The following NTN4 variants were observed in gnomAD, a reference collection of about 807,000 sequenced individuals.
The protein encoded by NTN4 is netrin 4, also known as netrin-4.
NTN4 carries 32 observed loss-of-function variants against 73.6 expected under a neutral mutation model. That is an observed-to-expected ratio of 0.44 (90% confidence interval 0.33 to 0.58). The LOEUF (loss-of-function observed/expected upper bound fraction) is 0.58, where lower values mean the gene tolerates loss of function less well. Among genes scored for constraint, NTN4 ranks in the 20% least tolerant of loss-of-function variants. NTN4 has a pLI of 0.04. For missense variants in NTN4, 654 were observed against 798.3 expected, an observed-to-expected ratio of 0.82 and a Z score of 2.18; for synonymous variants, 258 against 287.5, an observed-to-expected ratio of 0.90 and a Z score of 1.04.
At chr12:95,698,836 G>A (rs1833471) in intron 5 of NTN4, among the ~76,000 whole-genome samples, 16,786 of 151,132 alleles carry the variant, frequency 0.11, 1,268 homozygotes, top group Non-Finnish European at 0.17. Context: ...CAGCCTGTGC[G>A]ATAGAGTGAG....
chr12:95,752,187 C>T (rs1029363645), intron 2 of NTN4, among the ~76,000 whole-genome samples: 2 of 151,822 alleles, frequency 1.3e-5, no homozygotes, highest in Non-Finnish European at 2.9e-5. Flanking sequence ...AAGATTAAAG[C>T]CTGTTATCAC....
At position 95,790,232 on chromosome 12, in the gene NTN4, G is replaced by A; in HGVS notation, c.55+23C>T. On this transcript the variant is annotated intron_variant, in intron 1 of 9. Coordinates refer to ENST00000343702, the MANE Select transcript of NTN4 (RefSeq NM_021229.4). This position sits in a 1 kb window ranked among gnomAD's most constrained non-coding sequence, Gnocchi z 6.5. Reference sequence around the variant, plus strand: ...GAGAAGCAGCGAGGGAAGGGGTGGGGGCCCCGCCGCGTCACCACCCACCTG... The same window carrying A: ...GAGAAGCAGCGAGGGAAGGGGTGGGAGCCCCGCCGCGTCACCACCCACCTG... 6.5e-7 allele frequency: 1 copy of A among 1,529,674 alleles called. No individual in the cohort carries two copies. The highest frequency in any genetic ancestry group is 8.8e-7 in the Non-Finnish European group (1 of 1,137,582). 94.8% of individuals were successfully genotyped at this position (1,529,674 alleles called of 1,614,324 possible).
intron 2 of NTN4, among the ~76,000 whole-genome samples, chr12:95,769,901 C>T (rs1230457285): frequency 6.6e-6 from 1 of 151,972 alleles, no homozygotes; most frequent in Non-Finnish European, 1.5e-5. Flanking sequence ...GGATTATAAG[C>T]TTGCGCCACC....
Position 95,696,522 on chromosome 12 carries a change from C to T in NTN4, c.1181-12811G>A, listed in dbSNP as rs557318861. Reference sequence around the variant, plus strand: ...GAGGATAGGAACCACATCGTTTTATCGCTGTATCCCCCAAACCTAGGTCAA... The same window carrying T: ...GAGGATAGGAACCACATCGTTTTATTGCTGTATCCCCCAAACCTAGGTCAA... On this transcript the variant is annotated intron_variant, in intron 5 of 9. Transcript: ENST00000343702. 8.5e-4 allele frequency among the ~76,000 whole-genome samples: 130 copies of T among 152,274 alleles called. 1 individual carries two copies. In the South Asian group the frequency reaches 0.026, roughly 30 times the overall value.
At position 95,787,035 on chromosome 12, in the gene NTN4, G is replaced by A. The variant is rs923208418; in HGVS notation, c.489C>T (p.Asn163=). ...TWKPYKYFAT[N]CSATFGLEDD... ...CTTCCAGGCCAAATGTAGCGGAGCA[G>A]TTAGTCGCAAAGTACTTATAAGGCT... The change falls in exon 2 of 10, where the codon AAC becomes AAT. Residue 163 remains asparagine, a synonymous_variant. Coordinates refer to ENST00000343702, the MANE Select transcript of NTN4 (RefSeq NM_021229.4). 5.6e-6 allele frequency: 9 copies of A among 1,614,084 alleles called. No homozygotes were observed. Among genetic ancestry groups the A allele is most frequent in the Middle Eastern group, 1.6e-4 (1 of 6,084 alleles).
rs904912108 is a variant in NTN4 at position 95,782,335 on chromosome 12, G to A, written c.585+4604C>T. 2.7e-5 allele frequency among the ~76,000 whole-genome samples: 4 copies of A among 149,812 alleles called. No homozygotes were observed. In the South Asian group the frequency reaches 6.4e-4, roughly 24 times the overall value. ...TTTTGAGACAGAGTCTCACTCTGTC[G>A]CCCAGGCTGAGGTGCAGGGGCGTGA... On this transcript the variant is annotated intron_variant, in intron 2 of 9. Coordinates refer to ENST00000343702, the MANE Select transcript of NTN4 (RefSeq NM_021229.4).
intron 1 of NTN4, among the ~76,000 whole-genome samples, chr12:95,787,876 G>A (rs978350484): frequency 6.6e-6 from 1 of 152,064 alleles, no homozygotes; most frequent in Non-Finnish European, 1.5e-5. Context: ...CATGACTATT[G>A]AAAAACCATA....
At chr12:95,756,151 A>T in intron 2 of NTN4, among the ~76,000 whole-genome samples, 1 of 152,234 alleles carries the variant, frequency 6.6e-6, no homozygotes, top group South Asian at 2.1e-4. Context: ...ATCCCATTTT[A>T]TACTTGTTTT....
At chr12:95,698,042 G>T (rs2078455254) in intron 5 of NTN4, among the ~76,000 whole-genome samples, 1 of 152,148 alleles carries the variant, frequency 6.6e-6, no homozygotes, top group East Asian at 1.9e-4. Flanking sequence ...ACCTAGAGAT[G>T]ATTTACAGTA....
In NTN4 at chr12:95,703,076, C is replaced by T. The variant is rs565569216; in HGVS notation, c.1180+7365G>A. ...TTCACCATGTTGGCCAGGCTGGTCT[C>T]GAACTCCTGACCTCAGGTGATCCAC... On this transcript the variant is annotated intron_variant, in intron 5 of 9. Coordinates refer to ENST00000343702, the MANE Select transcript of NTN4 (RefSeq NM_021229.4). Among the ~76,000 whole-genome samples, 69 of 152,096 alleles carry T rather than the reference C, an allele frequency of 4.5e-4. 1 individual carries two copies. Among genetic ancestry groups the T allele is most frequent in the Non-Finnish European group, 2.1e-4 (14 of 68,008 alleles).
At chr12:95,687,302 A>C (rs1592664963) in intron 5 of NTN4, among the ~76,000 whole-genome samples, 2 of 152,384 alleles carry the variant, frequency 1.3e-5, no homozygotes, top group African/African-American at 4.8e-5. Flanking sequence ...CACTTTGAAA[A>C]GCAAATGACT....
intron 3 of NTN4, among the ~76,000 whole-genome samples, chr12:95,722,147 C>T (rs73223846): frequency 0.095 from 14,119 of 149,108 alleles, 923 homozygotes; most frequent in Non-Finnish European, 0.14. Context: ...TTTCTCTATA[C>T]AGCATGGCCA....
chr12:95,766,274 A>C (rs900497445), intron 2 of NTN4, among the ~76,000 whole-genome samples: 2 of 152,228 alleles, frequency 1.3e-5, no homozygotes, highest in South Asian at 2.1e-4. Flanking sequence ...TGTCCAACAC[A>C]AGCCCTCTTC....
chr12:95,691,456 CG>C (rs1374276374), intron 5 of NTN4, among the ~76,000 whole-genome samples: 2 of 152,154 alleles, frequency 1.3e-5, no homozygotes, highest in African/African-American at 4.8e-5. Flanking sequence ...AGTGCAGTGG[CG>C]TAATCTTGGC....
chr12:95,677,355 G>A (rs2120969710), intron 7 of NTN4, among the ~76,000 whole-genome samples: 1 of 145,808 alleles, frequency 6.9e-6, no homozygotes, highest in East Asian at 1.9e-4. Flanking sequence ...TAGACACTGT[G>A]TCTCAATGGT....
At chr12:95,692,361 A>C (rs1435305950) in intron 5 of NTN4, among the ~76,000 whole-genome samples, 9 of 152,154 alleles carry the variant, frequency 5.9e-5, no homozygotes, top group Non-Finnish European at 1.3e-4. Context: ...CAAGTGTTCT[A>C]CTGGAAGAAA....
Position 95,787,331 on chromosome 12 carries a change from T to C in NTN4, c.193A>G (p.Ser65Gly), listed in dbSNP as rs745880998. Residue 65 changes from serine (S) to glycine (G), a missense_variant, in exon 2 of 10, where the codon AGT becomes GGT. By Grantham distance (56) the Ser-to-Gly change is moderately conservative. Transcript: ENST00000343702. ...QNATELYCFY[S>G]ENTDLTCRQP... ...CGACAAGTCAGATCCGTGTTCTCAC[T>C]GTAGAAGCAGTACAGTTCGGTAGCA... 2.5e-6 allele frequency: 4 copies of C among 1,614,118 alleles called. No individual in the cohort carries two copies. Among genetic ancestry groups the C allele is most frequent in the South Asian group, 1.1e-5 (1 of 91,092 alleles).
rs372920090 is a variant in NTN4 at position 95,749,698 on chromosome 12, C to T, written c.586-11554G>A. Among the ~76,000 whole-genome samples, 40 of 152,328 alleles carry T rather than the reference C, an allele frequency of 2.6e-4. No individual in the cohort carries two copies. In the East Asian group the frequency reaches 3.5e-3, roughly 13 times the overall value. On this transcript the variant is annotated intron_variant, in intron 2 of 9. Coordinates refer to ENST00000343702, the MANE Select transcript of NTN4 (RefSeq NM_021229.4). ...TCAAAGGTGTCAGATCACGCAGGGA[C>T]GCCTGCCTTGGTCCTTCACCCTTAG...
Position 95,683,470 on chromosome 12 carries a change from G to A in NTN4, c.1394+28C>T, listed in dbSNP as rs772499343. Reference sequence around the variant, plus strand: ...TTCAAAAGAGCCTGAAATACATGCAGCTGAGAGCAAGAGCCTTGCACATTC... The same window carrying A: ...TTCAAAAGAGCCTGAAATACATGCAACTGAGAGCAAGAGCCTTGCACATTC... On this transcript the variant is annotated intron_variant, in intron 6 of 9. Coordinates refer to ENST00000343702, the MANE Select transcript of NTN4 (RefSeq NM_021229.4). The A allele has an allele frequency of 8.8e-6, 14 of 1,597,356 alleles. No individual in the cohort carries two copies. The South Asian group carries it at 1.5e-4, about 18-fold the overall frequency.
Sources: allele counts gnomAD v4.1 joint callset (sites outside exome capture counted in the v4.1 genomes callset), GRCh38; gene constraint gnomAD v4.1.1; non-coding constraint Gnocchi (gnomAD v3.1); transcripts MANE v1.5; gene names NCBI Gene and HGNC (gene_info 2026-07-23, HGNC 2026-07-21).